EIF4G3: variants seen among roughly 807,000 people sequenced by gnomAD.
EIF4G3 encodes the protein eIF-4-gamma 3.
In EIF4G3, 34 loss-of-function variants were observed where a neutral mutation model predicts 186.4. The ratio of observed to expected loss-of-function variants is 0.18; its 90% CI spans 0.14 to 0.24. The LOEUF (loss-of-function observed/expected upper bound fraction) is 0.24. EIF4G3 is among the 10% of genes least tolerant of loss of function. The pLI is 1.00. For missense variants in EIF4G3, 1,536 were observed against 1,948.5 expected, an observed-to-expected ratio of 0.79 and a Z score of 3.99; for synonymous variants, 673 against 679.5, an observed-to-expected ratio of 0.99 and a Z score of 0.15.
At chr1:20,858,890 G>A (rs1419083465) in intron 24 of EIF4G3, among the ~76,000 whole-genome samples, 3 of 152,284 alleles carry the variant, frequency 2.0e-5, no homozygotes, top group East Asian at 1.9e-4. Context: ...CCAGCCACTC[G>A]GGAGGCTGAG....
chr1:20,863,431 T>TG (rs2076841231), intron 22 of EIF4G3, among the ~76,000 whole-genome samples: 1 of 127,118 alleles, frequency 7.9e-6, no homozygotes, highest in Non-Finnish European at 1.7e-5. Flanking sequence ...CCCTGTTACC[T>TG]TTTTTTTTTT....
At chr1:21,029,468 G>A (rs555415606) in intron 4 of EIF4G3, among the ~76,000 whole-genome samples, 6 of 152,022 alleles carry the variant, frequency 3.9e-5, no homozygotes, top group Admixed American at 1.3e-4. Context: ...ATTGAGTCGG[G>A]GGGGGGAAGG....
In EIF4G3 at chr1:20,967,452, G is replaced by A. The variant is rs758563412; in HGVS notation, c.714+2022C>T. On this transcript the variant is annotated intron_variant, in intron 12 of 36. Coordinates refer to ENST00000602326, the MANE Select transcript of EIF4G3 (RefSeq NM_001391906.1). Reference sequence around the variant, plus strand: ...TTGCTTATCCCATGCTCACTTCCAGGGAAGAGACTAAATATAAGACCTGCT... The same window carrying A: ...TTGCTTATCCCATGCTCACTTCCAGAGAAGAGACTAAATATAAGACCTGCT... 1.1e-4 allele frequency among the ~76,000 whole-genome samples: 17 copies of A among 152,060 alleles called. 1 individual carries two copies. Among genetic ancestry groups the A allele is most frequent in the Admixed American group, 4.6e-4 (7 of 15,254 alleles).
intron 3 of EIF4G3, among the ~76,000 whole-genome samples, chr1:21,066,488 A>G (rs2095247587): frequency 6.6e-6 from 1 of 152,182 alleles, no homozygotes; most frequent in South Asian, 2.1e-4. Flanking sequence ...TAAAGAAACT[A>G]AACACCTTTC....
intron 3 of EIF4G3, among the ~76,000 whole-genome samples, chr1:21,061,183 A>G (rs1305554398): frequency 1.3e-5 from 2 of 152,198 alleles, no homozygotes; most frequent in Non-Finnish European, 1.5e-5. Context: ...GCTTGGTACC[A>G]GAAGTATTTC....
chr1:20,995,838 T>C (rs2154568340), intron 7 of EIF4G3, among the ~76,000 whole-genome samples: 1 of 152,304 alleles, frequency 6.6e-6, no homozygotes, highest in African/African-American at 2.4e-5. Flanking sequence ...AAACCAAGGT[T>C]TGAAAAACAC....
rs980267100 is a variant in EIF4G3 at position 20,808,997 on chromosome 1, G to T, written c.4745-1497C>A. ...GTATTAACTTTTTTTTTTTTAAATG[G>T]AGTTTTGCTCTTTTTGCCCAGGCTG... On this transcript the variant is annotated intron_variant, in intron 36 of 36. Coordinates refer to ENST00000602326, the MANE Select transcript of EIF4G3 (RefSeq NM_001391906.1). 4.6e-5 allele frequency among the ~76,000 whole-genome samples: 7 copies of T among 151,416 alleles called. No individual in the cohort carries two copies. The East Asian group carries it at 1.4e-3, about 29-fold the overall frequency.
intron 2 of EIF4G3, among the ~76,000 whole-genome samples, chr1:21,134,753 A>G (rs560092325): frequency 1.2e-4 from 19 of 152,324 alleles, no homozygotes; most frequent in African/African-American, 4.1e-4. Context: ...GGTGAAAGAG[A>G]GGAGCAAGTG....
intron 20 of EIF4G3, among the ~76,000 whole-genome samples, chr1:20,875,966 G>A (rs1282237916): frequency 6.6e-6 from 1 of 151,828 alleles, no homozygotes; most frequent in Non-Finnish European, 1.5e-5. Context: ...TCACGTCTAT[G>A]GTGCCAACAC....
At chr1:21,030,078 G>A (rs1255383070) in intron 4 of EIF4G3, among the ~76,000 whole-genome samples, 5 of 151,976 alleles carry the variant, frequency 3.3e-5, no homozygotes, top group Non-Finnish European at 4.4e-5. Context: ...AGATGTTTGA[G>A]GCCCAGGATG....
intron 30 of EIF4G3, among the ~76,000 whole-genome samples, chr1:20,830,543 A>T (rs1010765179): frequency 6.6e-6 from 1 of 152,236 alleles, no homozygotes; most frequent in Admixed American, 6.5e-5. Flanking sequence ...CAGGATTTCT[A>T]GGTTAACCAC....
chr1:20,849,136 G>C (rs1398063316), intron 29 of EIF4G3, among the ~76,000 whole-genome samples: 1 of 138,554 alleles, frequency 7.2e-6, no homozygotes, highest in South Asian at 2.4e-4. Flanking sequence ...TGTTGTTTTT[G>C]TTCCTTAATA....
At chr1:21,022,773 C>A (rs532645084) in intron 4 of EIF4G3, among the ~76,000 whole-genome samples, 4 of 152,206 alleles carry the variant, frequency 2.6e-5, no homozygotes, top group African/African-American at 9.7e-5. Flanking sequence ...AAAACCAAGT[C>A]TCTCCAGTTG....
intron 4 of EIF4G3, among the ~76,000 whole-genome samples, chr1:21,050,492 A>G (rs2094144108): frequency 1.3e-5 from 2 of 152,244 alleles, no homozygotes; most frequent in Admixed American, 6.5e-5. Flanking sequence ...AAGTTTTCAC[A>G]TAAGTAGAAA....
chr1:21,165,667 A>G (rs553710821), intron 2 of EIF4G3, among the ~76,000 whole-genome samples: 1 of 152,284 alleles, frequency 6.6e-6, no homozygotes, highest in African/African-American at 2.4e-5. Flanking sequence ...TGCCTAGGGC[A>G]GGGAGAATTG....
At chr1:21,016,307 A>C (rs2089029841) in intron 4 of EIF4G3, among the ~76,000 whole-genome samples, 1 of 152,224 alleles carries the variant, frequency 6.6e-6, no homozygotes, top group Non-Finnish European at 1.5e-5. Context: ...AAATGAAACA[A>C]AAAGAGAATC....
intron 27 of EIF4G3, among the ~76,000 whole-genome samples, chr1:20,852,697 T>C (rs1372617789): frequency 2.0e-5 from 3 of 152,118 alleles, no homozygotes; most frequent in African/African-American, 7.2e-5. Flanking sequence ...TGAAAGAACA[T>C]ACACAAGTGC....
At chr1:21,151,356 A>G (rs1461924817) in intron 2 of EIF4G3, among the ~76,000 whole-genome samples, 1 of 142,558 alleles carries the variant, frequency 7.0e-6, no homozygotes, top group Non-Finnish European at 1.5e-5. Flanking sequence ...CTCCTGCCTC[A>G]GCCTCCCAAG....
At chr1:21,153,854 C>T (rs748193870) in intron 2 of EIF4G3, among the ~76,000 whole-genome samples, 7 of 152,014 alleles carry the variant, frequency 4.6e-5, no homozygotes, top group Admixed American at 6.6e-5. Context: ...CGTGAGCCAC[C>T]GAGACCGGCC....
Sources: allele counts gnomAD v4.1 joint callset (sites outside exome capture counted in the v4.1 genomes callset), GRCh38; gene constraint gnomAD v4.1.1; transcripts MANE v1.5; gene names NCBI Gene and HGNC (gene_info 2026-07-23, HGNC 2026-07-21).